Variants in PISD observed in about 807,000 individuals in gnomAD.
PISD encodes phosphatidylserine decarboxylase.
In PISD, 31 loss-of-function variants were observed where a neutral mutation model predicts 43.5. That is an observed-to-expected ratio of 0.71 (90% CI 0.54 to 0.96). PISD has a LOEUF of 0.96. Among genes scored for constraint, PISD ranks in the 40% least tolerant of loss-of-function variants. The pLI, the probability that PISD is intolerant of heterozygous loss-of-function variation, is 0.00. For missense variants in PISD, 523 were observed against 548.4 expected, an observed-to-expected ratio of 0.95 and a Z score of 0.46; for synonymous variants, 259 against 228.7, an observed-to-expected ratio of 1.13 and a Z score of -1.20.
At chr22:31,634,992 C>A (rs554881116) in intron 3 of PISD, among the ~76,000 whole-genome samples, 1 of 151,786 alleles carries the variant, frequency 6.6e-6, no homozygotes, top group Admixed American at 6.6e-5. Context: ...CATGGTGAAA[C>A]CCTGTCTCTA....
chr22:31,618,517 A>G lies in PISD; in HGVS notation c.*1095T>C, dbSNP rs2072238006. ...TTTAAGTTTGATTTTTTTTATTTCA[A>G]AATGCTTTGCAATTAAATGAATTAC... On this transcript the variant is annotated 3_prime_UTR_variant, in exon 8 of 8. Coordinates refer to ENST00000439502, the MANE Select transcript of PISD (RefSeq NM_001326411.2). 1.6e-6 allele frequency: 2 copies of G among 1,216,098 alleles called. No homozygotes were observed. Among genetic ancestry groups the G allele is most frequent in the Non-Finnish European group, 2.2e-6 (2 of 919,312 alleles). 75.3% of individuals were successfully genotyped at this position (1,216,098 alleles called of 1,614,324 possible).
At chr22:31,646,857 T>C (rs1233758294) in intron 3 of PISD, among the ~76,000 whole-genome samples, 1 of 152,140 alleles carries the variant, frequency 6.6e-6, no homozygotes, top group African/African-American at 2.4e-5. Flanking sequence ...GAATTTGTGA[T>C]ATAGTACCGG....
In PISD at chr22:31,645,870, A is replaced by AG. The variant is rs773730380; in HGVS notation, c.321+2230dup. On this transcript the variant is annotated intron_variant, in intron 3 of 7. Coordinates refer to ENST00000439502, the MANE Select transcript of PISD (RefSeq NM_001326411.2). ...AGACTCCATCTAAAAAAAAAAAAAAAGAAAAGAAAAACAAAACAAATAAAA... is the reference window on the plus strand; with the variant it reads ...AGACTCCATCTAAAAAAAAAAAAAAAGGAAAAGAAAAACAAAACAAATAAAA... Among the ~76,000 whole-genome samples, 14 of 149,614 alleles carry AG rather than the reference A, an allele frequency of 9.4e-5. No individual in the cohort carries two copies. The South Asian group carries it at 1.5e-3, about 16-fold the overall frequency.
In PISD at chr22:31,660,527, G is replaced by A. The variant is rs144568821; in HGVS notation, c.65+1617C>T. Reference sequence around the variant, plus strand: ...AAAAAATGCAGCTGGGCGGGGTGGCGTGCACCTGTGGTCCTAGCTACTCAG... The same window carrying A: ...AAAAAATGCAGCTGGGCGGGGTGGCATGCACCTGTGGTCCTAGCTACTCAG... On this transcript the variant is annotated intron_variant, in intron 1 of 7. Transcript: ENST00000439502. Among the ~76,000 whole-genome samples the A allele has an allele frequency of 4.7e-3, 710 of 152,056 alleles. 2 individuals carry two copies. Among genetic ancestry groups the A allele is most frequent in the African/African-American group, 0.014 (601 of 41,498 alleles).
rs1781099942 is a variant in PISD, at chr22:31,621,005, G to A, written c.835C>T (p.His279Tyr). Residue 279 changes from histidine (H) to tyrosine (Y), a missense_variant, in exon 6 of 8, where the codon CAC becomes TAC. Transcript: ENST00000439502. ...CTGGCCCCGGGCTGACCTGGGAAGT[G>A]GCGCCGGTGGGACACAGTCCAGTCG... ...PTDWTVSHRR[H>Y]FPGSLMSVNP... 1 of 1,612,508 alleles carries A rather than the reference G, an allele frequency of 6.2e-7. No individual in the cohort carries two copies. Among genetic ancestry groups the A allele is most frequent in the African/African-American group, 1.3e-5 (1 of 74,898 alleles).
chr22:31,636,726 T>C (rs1400867220), intron 3 of PISD, among the ~76,000 whole-genome samples: 2 of 151,836 alleles, frequency 1.3e-5, no homozygotes, highest in Non-Finnish European at 2.9e-5. Context: ...TTTTTTTTAG[T>C]AGAGACGGGG....
chr22:31,649,805 G>C (rs2073985323), intron 2 of PISD, among the ~76,000 whole-genome samples: 1 of 151,992 alleles, frequency 6.6e-6, no homozygotes, highest in African/African-American at 2.4e-5. Flanking sequence ...CAATATGATG[G>C]GTGTCCTTAT....
At chr22:31,626,050 T>A in intron 3 of PISD, 1 of 1,421,936 alleles carries the variant, frequency 7.0e-7, no homozygotes, top group Non-Finnish European at 9.2e-7. Context: ...GTCACACACC[T>A]GCTCAGGTCA....
At chr22:31,640,358 G>A (rs961846233) in intron 3 of PISD, among the ~76,000 whole-genome samples, 3 of 150,584 alleles carry the variant, frequency 2.0e-5, no homozygotes, top group East Asian at 2.0e-4. Context: ...CCACCACACC[G>A]GTTGATTTTT....
At chr22:31,648,527 G>A (rs906870174) in intron 2 of PISD, among the ~76,000 whole-genome samples, 14 of 152,160 alleles carry the variant, frequency 9.2e-5, no homozygotes, top group Non-Finnish European at 1.5e-4. Context: ...AAACTTAGCC[G>A]GGCACAGTGG....
At position 31,648,064 on chromosome 22, in the gene PISD, T is replaced by C. The variant is rs918982809; in HGVS notation, c.321+37A>G. 4 of 1,561,210 alleles carry C rather than the reference T, an allele frequency of 2.6e-6. No homozygotes were observed. The African/African-American group carries it at 4.1e-5, about 16-fold the overall frequency. ...TGGAAAAGTGACAGACAAAGTTTGCTGGACGAGAACCCAAGGCAGTTCCAC... is the reference window on the plus strand; with the variant it reads ...TGGAAAAGTGACAGACAAAGTTTGCCGGACGAGAACCCAAGGCAGTTCCAC... On this transcript the variant is annotated intron_variant, in intron 3 of 7. Transcript: ENST00000439502.
chr22:31,655,012 G>A (rs2074126419), intron 1 of PISD, among the ~76,000 whole-genome samples: 1 of 148,772 alleles, frequency 6.7e-6, no homozygotes, highest in East Asian at 2.0e-4. Context: ...GGAGGCAGAG[G>A]TTGCAGTGAG....
In PISD at chr22:31,620,557, T is replaced by A; in HGVS notation, c.1001A>T (p.Asp334Val). The change falls in exon 7 of 8, where the codon GAC (aspartate) becomes GTC (valine). Residue 334 changes from aspartate to valine, a missense_variant. Physicochemically the swap from Asp to Val is radical, Grantham distance 152. Transcript: ENST00000439502. ...CAGGGCCTAGATCCTGCTTACCCGG[T>A]CAAAGTAGATGCGAATGGAGCCCAC... ...TNVGSIRIYF[D>V]RDLHTNSPRH... The A allele has an allele frequency of 6.2e-7, 1 of 1,614,130 alleles. No homozygotes were observed. Among genetic ancestry groups the A allele is most frequent in the Non-Finnish European group, 8.5e-7 (1 of 1,180,004 alleles).
At chr22:31,640,587 T>TG (rs1214713861) in intron 3 of PISD, among the ~76,000 whole-genome samples, 6 of 139,754 alleles carry the variant, frequency 4.3e-5, no homozygotes, top group East Asian at 2.1e-4. Flanking sequence ...TTTTTTTTTT[T>TG]TTTTTTTTTT....
chr22:31,629,303 C>T (rs1462842475), intron 3 of PISD: 5 of 814,006 alleles, frequency 6.1e-6, no homozygotes, highest in Non-Finnish European at 7.4e-6. Context: ...AGGGTATGTG[C>T]ATGGAGGGGT....
At position 31,630,858 on chromosome 22, in the gene PISD, G is replaced by C. The variant is rs533471977; in HGVS notation, c.322-8973C>G. 64 of 985,416 alleles carry C rather than the reference G, an allele frequency of 6.5e-5. 3 individuals carry two copies. The South Asian group carries it at 2.2e-3, about 34-fold the overall frequency. 61.0% of individuals were successfully genotyped at this position (985,416 alleles called of 1,614,324 possible). A position where few individuals can be genotyped will look rare whatever the true frequency, so the allele number is the denominator to read the frequency against. On this transcript the variant is annotated intron_variant, in intron 3 of 7. Transcript: ENST00000439502. This position sits in a 1 kb window ranked among gnomAD's most constrained non-coding sequence, Gnocchi z 4.4. ...ACTCCCTAGGGGCGCTCCCGGAGCC[G>C]GGAAGCCTTGGGGCGAGTGGGCGGG...
At chr22:31,628,049 CCTTGT>C (rs2073004377) in intron 3 of PISD, 1 of 985,404 alleles carries the variant, frequency 1.0e-6, no homozygotes, top group South Asian at 4.7e-5. Context: ...CCATTTAGAT[CCTTGT>C]CTTTATCACT....
chr22:31,619,526 TG>T lies in PISD; in HGVS notation c.*85del. ...AACCACGCTGAGGCAGGCCCTTACC[TG>T]GATGGCCTCATGGGCCTCCCTCTTG... On this transcript the variant is annotated 3_prime_UTR_variant, in exon 8 of 8. Coordinates refer to ENST00000439502, the MANE Select transcript of PISD (RefSeq NM_001326411.2). 1.9e-6 allele frequency: 2 copies of T among 1,076,700 alleles called. No homozygotes were observed. Among genetic ancestry groups the T allele is most frequent in the Non-Finnish European group, 1.4e-6 (1 of 706,642 alleles). The allele number at this position is 1,076,700 out of a possible 1,614,324, so 66.7% of individuals were successfully genotyped here.
intron 3 of PISD, chr22:31,629,948 G>A: frequency 6.6e-6 from 1 of 152,328 alleles, no homozygotes; most frequent in Non-Finnish European, 1.5e-5. Context: ...CAAATCCTGT[G>A]TCCAGTGGCC....
Sources: allele counts gnomAD v4.1 joint callset (sites outside exome capture counted in the v4.1 genomes callset), GRCh38; gene constraint gnomAD v4.1.1; non-coding constraint Gnocchi (gnomAD v3.1); transcripts MANE v1.5; gene names NCBI Gene and HGNC (gene_info 2026-07-23, HGNC 2026-07-21).